KCNA6: variants seen among roughly 807,000 people sequenced by gnomAD.
KCNA6 encodes human brain potassium channel-2.
In KCNA6, 17 loss-of-function variants were observed where a neutral mutation model predicts 29.5. That is an observed-to-expected ratio of 0.58 (90% CI 0.39 to 0.86). The LOEUF is 0.86. Among genes scored for constraint, KCNA6 ranks in the 40% least tolerant of loss-of-function variants. KCNA6 has a pLI of 0.00. For missense variants in KCNA6, 450 were observed against 703.4 expected (o/e 0.64, Z 4.07); for synonymous variants, 296 against 304.7 (o/e 0.97, Z 0.30).
Position 4,810,095 on chromosome 12 carries a change from G to T in KCNA6, c.54G>T (p.Pro18=). 1 of 1,568,656 alleles carries T rather than the reference G, an allele frequency of 6.4e-7. No homozygotes were observed. ...CGGCGCCGGGGGAGGTCCGTGGGCC[G>T]GAGGGAGAGCAACAGGATGCGGGAG... is the stretch of plus-strand genomic sequence containing the variant. Residue 18 remains proline, a synonymous_variant, in exon 1 of 1, where the codon CCG becomes CCT. Transcript: ENST00000280684. This position sits in a 1 kb window ranked among gnomAD's most constrained non-coding sequence, Gnocchi z 7.5.
Position 4,811,323 on chromosome 12 carries a change from A to G in KCNA6, c.1282A>G (p.Met428Val). The G allele has an allele frequency of 6.2e-7, 1 of 1,612,992 alleles. No homozygotes were observed. Among genetic ancestry groups the G allele is most frequent in the African/African-American group, 1.3e-5 (1 of 75,036 alleles). The change falls in exon 1 of 1, where the codon ATG becomes GTG. Residue 428 changes from methionine (M) to valine (V), a missense_variant. Coordinates refer to ENST00000280684, the Ensembl canonical transcript of KCNA6. This position sits in a 1 kb window ranked among gnomAD's most constrained non-coding sequence, Gnocchi z 7.1. The stretch of plus-strand genomic sequence containing the variant: ...AATGACCACGGTAGGTTACGGGGAC[A>G]TGTACCCCATGACTGTGGGGGGAAA...
chr12:4,811,676 T>G lies in KCNA6; in HGVS notation c.*45T>G, dbSNP rs750336424. ...CAGGAGGGGAGCACTGAGCTAACAG[T>G]CTCTTAGGCTTCCTTCTCATTTCCA... is the stretch of plus-strand genomic sequence containing the variant. On this transcript the variant is annotated 3_prime_UTR_variant, in exon 1 of 1. Transcript: ENST00000280684. This position sits in a 1 kb window ranked among gnomAD's most constrained non-coding sequence, Gnocchi z 7.1. 3.2e-6 allele frequency: 5 copies of G among 1,565,506 alleles called. No individual in the cohort carries two copies. Among genetic ancestry groups the G allele is most frequent in the Non-Finnish European group, 1.7e-6 (2 of 1,155,398 alleles).
the KCNA6 span, among the ~76,000 whole-genome samples, chr12:4,824,200 G>A: frequency 2.8e-4 from 42 of 152,346 alleles, no homozygotes; most frequent in African/African-American, 1.0e-3. Flanking sequence ...TTCAGCAAAA[G>A]TTATTATTTC....
the KCNA6 span, among the ~76,000 whole-genome samples, chr12:4,846,654 A>G: frequency 6.6e-6 from 1 of 151,704 alleles, no homozygotes; most frequent in African/African-American, 2.4e-5. Flanking sequence ...CTCCTCCTAC[A>G]TGCAAATGCA....
chr12:4,826,620 G>T, the KCNA6 span, among the ~76,000 whole-genome samples: 1 of 152,204 alleles, frequency 6.6e-6, no homozygotes, highest in Admixed American at 6.5e-5. Flanking sequence ...CATTAGTATT[G>T]TTCTCCCACC....
the KCNA6 span, among the ~76,000 whole-genome samples, chr12:4,835,134 A>AT: frequency 0.11 from 14,501 of 136,252 alleles, 967 homozygotes; most frequent in Non-Finnish European, 0.15. Context: ...ACAGAGAATG[A>AT]TTTTTTTTTT....
the KCNA6 span, among the ~76,000 whole-genome samples, chr12:4,822,832 T>C: frequency 1.3e-5 from 2 of 152,200 alleles, no homozygotes; most frequent in African/African-American, 2.4e-5. Flanking sequence ...GCTTCTGCGA[T>C]GTCATGAGGC....
At chr12:4,840,827 G>A in the KCNA6 span, among the ~76,000 whole-genome samples, 2 of 152,216 alleles carry the variant, frequency 1.3e-5, no homozygotes, top group Non-Finnish European at 2.9e-5. Flanking sequence ...ACTGATTGGA[G>A]GCAGAGGATA....
Position 4,810,538 on chromosome 12 carries a change from A to G in KCNA6, c.497A>G (p.Tyr166Cys). 6.2e-7 allele frequency: 1 copy of G among 1,614,054 alleles called. No individual in the cohort carries two copies. ...CGCCAGGTGTGGCTGCTCTTTGAGT[A>G]CCCAGAGAGCTCTGGGCCGGCCAGG... The change falls in exon 1 of 1, where the codon TAC (tyrosine) becomes TGC (cysteine). Residue 166 changes from tyrosine (Y) to cysteine (C), a missense_variant. Tyr to Cys is a radical substitution (Grantham distance 194). Transcript: ENST00000280684. The surrounding 1 kb of genome is among the most constrained non-coding windows in gnomAD (Gnocchi z 7.5).
At chr12:4,842,416 T>C in the KCNA6 span, 1 of 152,122 alleles carries the variant, frequency 6.6e-6, no homozygotes, top group South Asian at 2.1e-4. Flanking sequence ...GAGTTTCAAG[T>C]GGTGGGGTGG....
the KCNA6 span, among the ~76,000 whole-genome samples, chr12:4,845,219 TA>T: frequency 3.3e-5 from 5 of 152,194 alleles, no homozygotes; most frequent in African/African-American, 1.2e-4. Flanking sequence ...TTCAGTAGGG[TA>T]AGAAAGGGTA....
chr12:4,840,552 C>T, the KCNA6 span, among the ~76,000 whole-genome samples: 1 of 152,312 alleles, frequency 6.6e-6, no homozygotes, highest in Admixed American at 6.5e-5. Context: ...GTTGACAAAT[C>T]TGCGGGAAGT....
Position 4,810,576 on chromosome 12 carries a change from G to A in KCNA6, c.535G>A (p.Val179Ile), listed in dbSNP as rs781656226. 6 of 1,614,046 alleles carry A rather than the reference G, an allele frequency of 3.7e-6. No homozygotes were observed. Among genetic ancestry groups the A allele is most frequent in the Non-Finnish European group, 5.1e-6 (6 of 1,180,038 alleles). Residue 179 changes from valine (V) to isoleucine (I), a missense_variant, in exon 1 of 1, where the codon GTC becomes ATC. Transcript: ENST00000280684. This position sits in a 1 kb window ranked among gnomAD's most constrained non-coding sequence, Gnocchi z 7.5. The stretch of plus-strand genomic sequence containing the variant: ...TGGGCCGGCCAGGGGCATCGCCATC[G>A]TCTCCGTGTTGGTCATTCTCATCTC...
chr12:4,829,510 C>A, the KCNA6 span, among the ~76,000 whole-genome samples: 7 of 152,094 alleles, frequency 4.6e-5, no homozygotes, highest in South Asian at 2.1e-4. Flanking sequence ...TGAGAATATG[C>A]CTTTTTAAAA....
At chr12:4,815,824 T>G (rs552736085), downstream of KCNA6, among the ~76,000 whole-genome samples, 34 of 152,230 alleles carry the variant, frequency 2.2e-4, no homozygotes, top group East Asian at 4.1e-3. Context: ...CAAGGAGAAT[T>G]GATGGTCTCC....
At chr12:4,836,234 C>T in the KCNA6 span, among the ~76,000 whole-genome samples, 1 of 152,094 alleles carries the variant, frequency 6.6e-6, no homozygotes, top group Non-Finnish European at 1.5e-5. Flanking sequence ...CAGGCGCAAG[C>T]CACCACGCCT....
At chr12:4,812,739 C>T (rs1946643980) in exon 1 of KCNA6, 1 of 167,050 alleles carries the variant, frequency 6.0e-6, no homozygotes, top group African/African-American at 2.4e-5. Flanking sequence ...GGTTTCTTCC[C>T]ATTTTATGGG....
the KCNA6 span, among the ~76,000 whole-genome samples, chr12:4,819,717 A>G: frequency 6.6e-6 from 1 of 152,246 alleles, no homozygotes; most frequent in Non-Finnish European, 1.5e-5. Flanking sequence ...TCCCAGGGCA[A>G]GGTGACGTGG....
At chr12:4,832,953 T>C in the KCNA6 span, among the ~76,000 whole-genome samples, 1 of 152,070 alleles carries the variant, frequency 6.6e-6, no homozygotes, top group South Asian at 2.1e-4. Context: ...TAGTTGAAAA[T>C]ACGTCTTAAG....
Sources: gnomAD v4.1 joint callset for allele counts (sites outside exome capture counted in the v4.1 genomes callset) on GRCh38, gnomAD v4.1.1 for gene constraint, Gnocchi (gnomAD v3.1) non-coding constraint, MANE v1.5 for transcripts, NCBI Gene and HGNC (gene_info 2026-07-23, HGNC 2026-07-21) for gene names.